The following DZIP3 variants were observed in gnomAD, a reference collection of about 807,000 sequenced individuals.
The protein encoded by DZIP3 is E3 ubiquitin-protein ligase DZIP3.
In DZIP3, 118 loss-of-function variants were observed where a neutral mutation model predicts 162.0. The observed-to-expected ratio is 0.73, with a 90% CI of 0.63 to 0.85. The LOEUF (loss-of-function observed/expected upper bound fraction) is 0.85. Ranked by LOEUF, DZIP3 falls within the 40% of genes least tolerant of loss-of-function variation. The pLI is 0.00. For synonymous variants in DZIP3, 438 were observed against 458.6 expected (o/e 0.96, Z 0.57); for missense variants, 1,331 against 1,407.0 (o/e 0.95, Z 0.86).
intron 5 of DZIP3, among the ~76,000 whole-genome samples, chr3:108,617,903 A>G (rs1276042565): frequency 6.6e-6 from 1 of 152,226 alleles, no homozygotes; most frequent in African/African-American, 2.4e-5. Flanking sequence ...ATTACTTCAA[A>G]GATGAGTCTT....
rs111604778 is a variant in DZIP3, at chr3:108,607,392, T to C, written c.33-697T>C. On this transcript the variant is annotated intron_variant, in intron 2 of 32. Transcript: ENST00000361582. ...AGTCAATATAAATTTCTCACCTCAG[T>C]GTTATCTCTGCTGGTGTCCAGAATT... Among the ~76,000 whole-genome samples the C allele has an allele frequency of 4.8e-3, 727 of 152,318 alleles. 3 individuals carry two copies. The highest frequency in any genetic ancestry group is 0.016 in the African/African-American group (664 of 41,582).
intron 23 of DZIP3, among the ~76,000 whole-genome samples, 181 bp from the exon 24 acceptor site, chr3:108,673,897 A>G (rs1444281437): frequency 1.3e-5 from 2 of 151,982 alleles, no homozygotes; most frequent in African/African-American, 4.8e-5. Context: ...TAAGGAAATT[A>G]GAATTGCAGA....
At chr3:108,657,343 T>C (rs1051284745) in intron 19 of DZIP3, among the ~76,000 whole-genome samples, 5 of 152,084 alleles carry the variant, frequency 3.3e-5, no homozygotes, top group Non-Finnish European at 2.9e-5. Flanking sequence ...TCAACATTCT[T>C]AAAGAAAAGA....
intron 5 of DZIP3, among the ~76,000 whole-genome samples, chr3:108,620,634 A>G (rs1220356833): frequency 1.3e-5 from 2 of 152,274 alleles, no homozygotes; most frequent in East Asian, 1.9e-4. Context: ...CTCTCCCTCT[A>G]CAATTCACTG....
At chr3:108,680,580 G>A (rs146217277) in intron 26 of DZIP3, among the ~76,000 whole-genome samples, 143 of 152,158 alleles carry the variant, frequency 9.4e-4, no homozygotes, top group African/African-American at 3.0e-3. Context: ...ATTTAACCAA[G>A]GAGGAGAAAG....
chr3:108,667,762 CAA>C (rs1375689193), intron 21 of DZIP3, among the ~76,000 whole-genome samples: 2 of 152,186 alleles, frequency 1.3e-5, no homozygotes, highest in African/African-American at 4.8e-5. Context: ...AACTGTCAAA[CAA>C]GAGTATACTT....
intron 1 of DZIP3, among the ~76,000 whole-genome samples, chr3:108,594,634 C>T (rs542426502): frequency 1.3e-5 from 2 of 151,912 alleles, no homozygotes; most frequent in African/African-American, 4.8e-5. Flanking sequence ...GTGTTGTTCC[C>T]CTGTATGTGT....
Position 108,624,617 on chromosome 3 carries a change from A to G in DZIP3, c.456+93A>G, listed in dbSNP as rs9288878. 3,710 of 630,458 alleles carry G rather than the reference A, an allele frequency of 5.9e-3. 118 individuals carry two copies. In the African/African-American group the frequency reaches 0.065, roughly 11 times the overall value. The allele number at this position is 630,458 out of a possible 1,614,324, so 39.1% of individuals were successfully genotyped here. A position where few individuals can be genotyped will look rare whatever the true frequency, so the allele number is the denominator to read the frequency against. On this transcript the variant is annotated intron_variant, in intron 6 of 32. Coordinates refer to ENST00000361582, the MANE Select transcript of DZIP3 (RefSeq NM_014648.4). ...AATATGAAACTAAAAATATTAAAAA[A>G]GGAAACTTAATATTAGCTTATAACT...
At chr3:108,639,752 G>C (rs1942308466) in intron 12 of DZIP3, among the ~76,000 whole-genome samples, 1 of 150,106 alleles carries the variant, frequency 6.7e-6, no homozygotes, top group Non-Finnish European at 1.5e-5. Context: ...TAATTTTATT[G>C]ATTTTTCTAT....
intron 9 of DZIP3, among the ~76,000 whole-genome samples, chr3:108,633,937 T>C (rs113443230): frequency 0.028 from 2,756 of 96,898 alleles, 1 homozygote; most frequent in East Asian, 0.069. Flanking sequence ...TCAGAATACT[T>C]CTGATAGATC....
intron 21 of DZIP3, among the ~76,000 whole-genome samples, chr3:108,665,986 A>G (rs1943657962): frequency 6.6e-6 from 1 of 152,076 alleles, no homozygotes. Context: ...AACTTTAAAA[A>G]TATATATATA....
At chr3:108,624,299 C>T (rs113039152) in intron 5 of DZIP3, 145 bp from the exon 6 acceptor site, 6,729 of 543,944 alleles carry the variant, frequency 0.012, 398 homozygotes, top group African/African-American at 0.12. Context: ...AATACATTAT[C>T]GTTATTATTA....
chr3:108,662,404 A>AT, intron 21 of DZIP3, 147 bp downstream of exon 21: 1 of 1,035,234 alleles, frequency 9.7e-7, no homozygotes, highest in African/African-American at 1.6e-5. Context: ...AAAACCAACC[A>AT]TATTTTTGTC....
intron 2 of DZIP3, 132 bp from the exon 3 acceptor site, chr3:108,607,957 C>T: frequency 1.4e-6 from 1 of 736,854 alleles, no homozygotes; most frequent in Non-Finnish European, 2.3e-6. Flanking sequence ...TGGCACCTAC[C>T]ACCATTACCA....
chr3:108,660,348 A>T (rs924841113), intron 19 of DZIP3, among the ~76,000 whole-genome samples: 2 of 152,220 alleles, frequency 1.3e-5, no homozygotes, highest in African/African-American at 4.8e-5. Context: ...ATCTACAACT[A>T]TCTGATCTTT....
chr3:108,623,545 T>G (rs1257114570), intron 5 of DZIP3, among the ~76,000 whole-genome samples: 2 of 152,138 alleles, frequency 1.3e-5, no homozygotes, highest in African/African-American at 4.8e-5. Flanking sequence ...CTCTTCTCTC[T>G]CCTCTGCTCA....
At chr3:108,636,317 T>C (rs1375252069) in intron 10 of DZIP3, among the ~76,000 whole-genome samples, 1 of 152,004 alleles carries the variant, frequency 6.6e-6, no homozygotes, top group Non-Finnish European at 1.5e-5. Flanking sequence ...AGTAATCCTC[T>C]TTACCCATAC....
At position 108,637,481 on chromosome 3, in the gene DZIP3, C is replaced by T; in HGVS notation, c.1012-15C>T. 6.2e-7 allele frequency: 1 copy of T among 1,604,316 alleles called. No homozygotes were observed. The highest frequency in any genetic ancestry group is 1.1e-5 in the South Asian group (1 of 89,056). On this transcript the variant is annotated splice_polypyrimidine_tract_variant and intron_variant, in intron 11 of 32. Coordinates refer to ENST00000361582, the MANE Select transcript of DZIP3 (RefSeq NM_014648.4). ...GAACTACTTTAGGGCTATTTTTTTT[C>T]CCCATTACTTGCAGTTTGAAGTTGT... is the stretch of plus-strand genomic sequence containing the variant.
chr3:108,629,583 A>G lies in DZIP3; in HGVS notation c.696+407A>G, dbSNP rs564558088. ...CATCTATATTTCTTCTTCAAATGGA[A>G]AAACCATTGTTAGCATTTTTATTTA... On this transcript the variant is annotated intron_variant, in intron 8 of 32. Transcript: ENST00000361582. 2.0e-5 allele frequency among the ~76,000 whole-genome samples: 3 copies of G among 152,130 alleles called. No homozygotes were observed. The South Asian group carries it at 6.2e-4, about 31-fold the overall frequency.
Sources: allele counts gnomAD v4.1 joint callset (sites outside exome capture counted in the v4.1 genomes callset), GRCh38; gene constraint gnomAD v4.1.1; transcripts MANE v1.5; gene names NCBI Gene and HGNC (gene_info 2026-07-23, HGNC 2026-07-21).